The following RBFOX1 variants were observed in gnomAD, a reference collection of about 807,000 sequenced individuals.
RBFOX1 encodes the protein RNA binding fox-1 homolog 1, also known as RNA binding protein fox-1 homolog 1.
In RBFOX1, 8 loss-of-function variants were observed where a neutral mutation model predicts 57.7. The observed-to-expected ratio is 0.14, with a 90% confidence interval of 0.08 to 0.25. The LOEUF (loss-of-function observed/expected upper bound fraction) is 0.25. RBFOX1 is among the 10% of genes least tolerant of loss of function. The probability of loss-of-function intolerance (pLI) is 1.00; values close to 1 mark genes in which losing one functional copy is unlikely to be tolerated. For synonymous variants in RBFOX1, 326 were observed against 222.4 expected (o/e 1.47, Z -4.15); for missense variants, 611 against 548.5 (o/e 1.11, Z -1.14).
chr16:5,684,124 G>A (rs1315902394), intron 3 of RBFOX1, among the ~76,000 whole-genome samples: 1 of 152,086 alleles, frequency 6.6e-6, no homozygotes, highest in Non-Finnish European at 1.5e-5. Flanking sequence ...GTGTGAAAAG[G>A]TGAGCTCTTG....
At chr16:5,487,127 A>G (rs1428943476) in intron 2 of RBFOX1, among the ~76,000 whole-genome samples, 1 of 152,162 alleles carries the variant, frequency 6.6e-6, no homozygotes, top group African/African-American at 2.4e-5. Flanking sequence ...AGTTCTCCAG[A>G]CAATGTCCAC....
In RBFOX1 at chr16:7,483,588, T is replaced by C. The variant is rs115762129; in HGVS notation, c.28-34559T>C. 5.4e-3 allele frequency among the ~76,000 whole-genome samples: 820 copies of C among 152,294 alleles called. 10 individuals are homozygous for C. The highest frequency in any genetic ancestry group is 0.018 in the African/African-American group (738 of 41,556). ...TACTGCCTGAGGGTGGAGGTTTGAA[T>C]TGAGGATACAGATAGGACAGTGTTC... On this transcript the variant is annotated intron_variant, in intron 4 of 15. Coordinates refer to ENST00000550418, the MANE Select transcript of RBFOX1 (RefSeq NM_018723.4).
intron 1 of RBFOX1, among the ~76,000 whole-genome samples, chr16:5,384,321 G>A (rs1245277170): frequency 1.3e-5 from 2 of 152,178 alleles, no homozygotes; most frequent in Admixed American, 1.3e-4. Flanking sequence ...AATCATCTCA[G>A]CTCACTACTG....
At chr16:6,336,748 G>GGCTAT (rs2083820878) in intron 2 of RBFOX1, among the ~76,000 whole-genome samples, 1 of 152,172 alleles carries the variant, frequency 6.6e-6, no homozygotes, top group African/African-American at 2.4e-5. Flanking sequence ...CAGCAGGACA[G>GGCTAT]GCTATGCAGT....
intron 4 of RBFOX1, among the ~76,000 whole-genome samples, chr16:7,493,670 A>C (rs532941925): frequency 5.5e-4 from 84 of 152,296 alleles, no homozygotes; most frequent in Non-Finnish European, 8.4e-4. Flanking sequence ...CAAGGTAAGG[A>C]ATTAAGGTGG....
intron 4 of RBFOX1, among the ~76,000 whole-genome samples, chr16:5,970,896 C>G (rs564070770): frequency 6.6e-6 from 1 of 152,312 alleles, no homozygotes; most frequent in South Asian, 2.1e-4. Context: ...AGTAAAGTGA[C>G]TGTTGTCAAG....
intron 4 of RBFOX1, among the ~76,000 whole-genome samples, chr16:7,091,007 C>G (rs891784506): frequency 3.3e-5 from 5 of 152,174 alleles, no homozygotes; most frequent in African/African-American, 7.2e-5. Flanking sequence ...GCAATTGGCA[C>G]CTACTCATCT....
At chr16:7,140,191 T>TCTCTCTCTCC (rs1246403050) in intron 4 of RBFOX1, among the ~76,000 whole-genome samples, 2 of 136,010 alleles carry the variant, frequency 1.5e-5, no homozygotes, top group Non-Finnish European at 3.1e-5. Context: ...TCTCTCTCTC[T>TCTCTCTCTCC]CTCCCTCCTT....
At chr16:7,703,942 A>G (rs1279211442) in intron 14 of RBFOX1, among the ~76,000 whole-genome samples, 1 of 152,216 alleles carries the variant, frequency 6.6e-6, no homozygotes, top group Non-Finnish European at 1.5e-5. Flanking sequence ...GCAAGGAGGG[A>G]GAGATTGGTT....
chr16:6,262,911 G>A (rs2152641184), intron 1 of RBFOX1, among the ~76,000 whole-genome samples: 1 of 152,266 alleles, frequency 6.6e-6, no homozygotes, highest in African/African-American at 2.4e-5. Context: ...GAGATTAATG[G>A]GATGAAGTTG....
chr16:5,602,020 G>C (rs2047382170), downstream of RBFOX1, among the ~76,000 whole-genome samples: 1 of 152,200 alleles, frequency 6.6e-6, no homozygotes. Flanking sequence ...TAGGTTTGCA[G>C]AGATTCAGGC....
intron 1 of RBFOX1, among the ~76,000 whole-genome samples, chr16:6,191,966 C>T (rs1228529402): frequency 6.6e-6 from 1 of 152,064 alleles, no homozygotes; most frequent in East Asian, 1.9e-4. Context: ...GTAAATATGT[C>T]TTGGGACAAA....
chr16:6,567,543 T>C (rs2097284159), intron 2 of RBFOX1, among the ~76,000 whole-genome samples: 1 of 152,162 alleles, frequency 6.6e-6, no homozygotes, highest in Non-Finnish European at 1.5e-5. Context: ...ATAGCACTTA[T>C]TACTATTTCA....
At chr16:7,283,119 A>C (rs1660394933) in intron 4 of RBFOX1, among the ~76,000 whole-genome samples, 1 of 152,082 alleles carries the variant, frequency 6.6e-6, no homozygotes, top group Admixed American at 6.5e-5. Flanking sequence ...GATACCCAGT[A>C]GTGGGATTGT....
In RBFOX1 at chr16:6,019,244, T is replaced by G. The variant is rs1329888341; in HGVS notation, c.-875T>G. 3 of 984,942 alleles carry G rather than the reference T, an allele frequency of 3.0e-6. No homozygotes were observed. The African/African-American group carries it at 5.3e-5, about 17-fold the overall frequency. 61.0% of individuals were successfully genotyped at this position (984,942 alleles called of 1,614,324 possible). A position where few individuals can be genotyped will look rare whatever the true frequency, so the allele number is the denominator to read the frequency against. On this transcript the variant is annotated 5_prime_UTR_variant, in exon 1 of 16. Coordinates refer to ENST00000550418, the MANE Select transcript of RBFOX1 (RefSeq NM_018723.4). The surrounding 1 kb of genome is among the most constrained non-coding windows in gnomAD (Gnocchi z 4.2). The stretch of plus-strand genomic sequence containing the variant: ...CTGGCCGTCTGGGTGCACACACCGC[T>G]CCCTCGATCACCCCAGCCCCCTTCC...
chr16:7,006,099 T>G (rs1167270450), intron 3 of RBFOX1, among the ~76,000 whole-genome samples: 1 of 152,190 alleles, frequency 6.6e-6, no homozygotes, highest in Admixed American at 6.5e-5. Context: ...AATACAGGTG[T>G]ACATTTAAAC....
intron 4 of RBFOX1, among the ~76,000 whole-genome samples, chr16:7,313,175 G>C (rs942633630): frequency 2.0e-5 from 3 of 152,172 alleles, no homozygotes; most frequent in African/African-American, 4.8e-5. Context: ...CTTTGCTTTG[G>C]ATCTATCTAT....
intron 14 of RBFOX1, among the ~76,000 whole-genome samples, chr16:7,707,366 A>G (rs936495206): frequency 6.6e-6 from 1 of 152,130 alleles, no homozygotes; most frequent in Non-Finnish European, 1.5e-5. Context: ...TTATCTACCA[A>G]CCATGAGAAA....
intron 1 of RBFOX1, among the ~76,000 whole-genome samples, chr16:6,183,438 C>A (rs2097081076): frequency 6.6e-6 from 1 of 151,474 alleles, no homozygotes; most frequent in Non-Finnish European, 1.5e-5. Context: ...CGAGATCGCG[C>A]CATTGTGCTC....
Sources: allele counts gnomAD v4.1 joint callset (sites outside exome capture counted in the v4.1 genomes callset), GRCh38; gene constraint gnomAD v4.1.1; non-coding constraint Gnocchi (gnomAD v3.1); transcripts MANE v1.5; gene names NCBI Gene and HGNC (gene_info 2026-07-23, HGNC 2026-07-21).